The following NRG1 variants were observed in gnomAD, a reference collection of about 807,000 sequenced individuals.
NRG1 encodes pro-neuregulin-1, membrane-bound isoform.
In NRG1, 18 loss-of-function variants were observed where a neutral mutation model predicts 63.8. That is an observed-to-expected ratio of 0.28 (90% CI 0.19 to 0.42). The LOEUF (loss-of-function observed/expected upper bound fraction) is 0.42, where lower values mean the gene tolerates loss of function less well. NRG1 is among the 10% of genes least tolerant of loss of function. The pLI, the probability that NRG1 is intolerant of heterozygous loss-of-function variation, is 1.00. For synonymous variants in NRG1, 302 were observed against 301.3 expected (o/e 1.00, Z -0.02); for missense variants, 762 against 814.7 (o/e 0.94, Z 0.79).
At chr8:32,299,329 G>A (rs1278520568) in intron 1 of NRG1, among the ~76,000 whole-genome samples, 7 of 152,112 alleles carry the variant, frequency 4.6e-5, no homozygotes, top group Admixed American at 6.5e-5. Flanking sequence ...AGGCAGTGCC[G>A]AGGACTAAAG....
intron 1 of NRG1, among the ~76,000 whole-genome samples, chr8:31,678,158 C>T (rs753409214): frequency 6.6e-6 from 1 of 152,026 alleles, no homozygotes; most frequent in Non-Finnish European, 1.5e-5. Context: ...CTCTGACTTA[C>T]AAGCTCACAG....
intron 1 of NRG1, among the ~76,000 whole-genome samples, chr8:32,507,202 G>C (rs138138889): frequency 0.013 from 1,932 of 152,290 alleles, 13 homozygotes; most frequent in Non-Finnish European, 0.02. Context: ...CTAAATAGTT[G>C]TAAGAGCGAG....
At chr8:32,754,548 T>C in intron 8 of NRG1, 74 bp downstream of exon 8, 14 of 1,368,338 alleles carry the variant, frequency 1.0e-5, no homozygotes, top group Non-Finnish European at 1.4e-5. Context: ...CTTTGCAGAA[T>C]CTGAGCTCCA....
At chr8:32,585,155 T>C (rs1841374112) in intron 1 of NRG1, among the ~76,000 whole-genome samples, 1 of 152,244 alleles carries the variant, frequency 6.6e-6, no homozygotes, top group Non-Finnish European at 1.5e-5. Flanking sequence ...TCTCAGTTTT[T>C]CTGTTTAACA....
chr8:32,124,423 C>A (rs113462063), intron 1 of NRG1, among the ~76,000 whole-genome samples: 2 of 151,878 alleles, frequency 1.3e-5, no homozygotes, highest in Admixed American at 6.6e-5. Context: ...ATCTTCCCAA[C>A]AAACAGTGAA....
At chr8:32,674,280 A>G (rs985966476) in intron 5 of NRG1, among the ~76,000 whole-genome samples, 17 of 152,218 alleles carry the variant, frequency 1.1e-4, no homozygotes, top group African/African-American at 3.6e-4. Context: ...TGAACAGAAA[A>G]TAAAAAGTAA....
At chr8:32,149,192 A>G (rs1047078823) in intron 1 of NRG1, among the ~76,000 whole-genome samples, 2 of 152,204 alleles carry the variant, frequency 1.3e-5, no homozygotes, top group Non-Finnish European at 2.9e-5. Context: ...ATTGTAGTAT[A>G]AGCCTTCACA....
intron 1 of NRG1, among the ~76,000 whole-genome samples, chr8:32,079,304 T>C (rs1417496295): frequency 6.6e-6 from 1 of 152,162 alleles, no homozygotes; most frequent in Non-Finnish European, 1.5e-5. Flanking sequence ...AAAGCAGATA[T>C]TATAATTATT....
intron 1 of NRG1, among the ~76,000 whole-genome samples, chr8:32,408,644 C>G (rs886886878): frequency 1.2e-5 from 1 of 84,526 alleles, no homozygotes; most frequent in Non-Finnish European, 3.0e-5. Flanking sequence ...GGGAAGAAGA[C>G]TCTGTTGAGC....
At position 32,233,963 on chromosome 8, in the gene NRG1, G is replaced by A. The variant is rs562046138; in HGVS notation, c.38-361865G>A. Among the ~76,000 whole-genome samples the A allele has an allele frequency of 7.2e-5, 11 of 152,234 alleles. No homozygotes were observed. In the South Asian group the frequency reaches 1.7e-3, roughly 23 times the overall value. ...GTAAGTGTTTCATTAAGGAATGTCTGAAACATGTCCAGATTTTTATTTCAG... is the reference window on the plus strand; with the variant it reads ...GTAAGTGTTTCATTAAGGAATGTCTAAAACATGTCCAGATTTTTATTTCAG... On this transcript the variant is annotated intron_variant, in intron 1 of 10. Coordinates refer to the NRG1 transcript ENST00000519301.
At chr8:32,291,590 G>A (rs1290357727) in intron 1 of NRG1, among the ~76,000 whole-genome samples, 1 of 139,736 alleles carries the variant, frequency 7.2e-6, no homozygotes, top group Non-Finnish European at 1.5e-5. Context: ...CCATGCTGGA[G>A]TGCAGTGGCA....
chr8:32,445,315 T>A (rs71512627), intron 1 of NRG1, among the ~76,000 whole-genome samples: 7,972 of 152,276 alleles, frequency 0.052, 280 homozygotes, highest in Middle Eastern at 0.085. Context: ...TTTTTCCGAA[T>A]ACCTTTTTAT....
chr8:31,691,464 G>A (rs561345193), intron 1 of NRG1, among the ~76,000 whole-genome samples: 23 of 151,414 alleles, frequency 1.5e-4, no homozygotes, highest in African/African-American at 3.4e-4. Flanking sequence ...GCGCAGTGGC[G>A]GGCAACTGTA....
intron 1 of NRG1, among the ~76,000 whole-genome samples, chr8:31,740,772 T>A (rs1411770945): frequency 1.3e-5 from 2 of 151,918 alleles, no homozygotes; most frequent in Non-Finnish European, 2.9e-5. Flanking sequence ...AGAGGTGTGG[T>A]AAGCAATTGA....
intron 1 of NRG1, among the ~76,000 whole-genome samples, chr8:32,370,583 C>T (rs758457481): frequency 5.9e-5 from 9 of 152,052 alleles, no homozygotes; most frequent in Non-Finnish European, 1.2e-4. Flanking sequence ...ACGAGCCAGG[C>T]GCAGTGGCTC....
intron 5 of NRG1, among the ~76,000 whole-genome samples, chr8:32,690,461 T>C (rs1811304395): frequency 6.6e-6 from 1 of 152,116 alleles, no homozygotes; most frequent in Non-Finnish European, 1.5e-5. Flanking sequence ...CCTCCAGAGA[T>C]GTATGCCATA....
At chr8:32,219,191 A>G (rs994679677) in intron 1 of NRG1, among the ~76,000 whole-genome samples, 20 of 152,216 alleles carry the variant, frequency 1.3e-4, no homozygotes, top group African/African-American at 2.7e-4. Context: ...GCATGATGCT[A>G]TAGTTGGCAA....
intron 1 of NRG1, among the ~76,000 whole-genome samples, chr8:31,785,883 G>A (rs918610892): frequency 1.4e-4 from 21 of 152,162 alleles, no homozygotes; most frequent in Non-Finnish European, 4.4e-5. Flanking sequence ...CTGCTTAGCT[G>A]GGACCTGGTC....
intron 1 of NRG1, among the ~76,000 whole-genome samples, chr8:31,888,416 C>A (rs1366223000): frequency 3.3e-5 from 5 of 152,048 alleles, no homozygotes; most frequent in Admixed American, 3.3e-4. Flanking sequence ...GGAAATTTAA[C>A]ATTTTCAATT....
Sources: gnomAD v4.1 joint callset for allele counts (sites outside exome capture counted in the v4.1 genomes callset) on GRCh38, gnomAD v4.1.1 for gene constraint, MANE v1.5 for transcripts, NCBI Gene and HGNC (gene_info 2026-07-23, HGNC 2026-07-21) for gene names.